KCTD14: variants seen among roughly 807,000 people sequenced by gnomAD.
KCTD14 encodes BTB/POZ domain-containing protein KCTD14.
In KCTD14, 7 loss-of-function variants were observed where a neutral mutation model predicts 5.9. The observed-to-expected ratio is 1.19, with a 90% CI of 0.68 to 2.23. KCTD14 has a LOEUF of 2.23. Among genes scored for constraint, KCTD14 ranks in the 30% most tolerant of loss-of-function variants. The probability of loss-of-function intolerance (pLI) is 0.00; values close to 1 mark genes in which losing one functional copy is unlikely to be tolerated. For synonymous variants in KCTD14, 140 were observed against 133.1 expected, an observed-to-expected ratio of 1.05 and a Z score of -0.36; for missense variants, 342 against 332.2, an observed-to-expected ratio of 1.03 and a Z score of -0.23.
chr11:78,022,375 C>T (rs1857331370), intron 1 of KCTD14, among the ~76,000 whole-genome samples: 1 of 152,156 alleles, frequency 6.6e-6, no homozygotes, highest in African/African-American at 2.4e-5. Flanking sequence ...GCATCATGCA[C>T]AGTGCCTTAC....
chr11:78,025,118 GTATATATATATA>G (rs369374652), upstream of KCTD14, among the ~76,000 whole-genome samples: 1,639 of 44,400 alleles, frequency 0.037, 41 homozygotes, highest in Non-Finnish European at 0.045. Flanking sequence ...GTGTGTGTGT[GTATATATATATA>G]TATATATATA....
intron 1 of KCTD14, among the ~76,000 whole-genome samples, chr11:78,017,996 C>G (rs1857216424): frequency 1.3e-5 from 2 of 152,118 alleles, no homozygotes; most frequent in Non-Finnish European, 2.9e-5. Flanking sequence ...ACTCAGGAGG[C>G]TGAGGCACAA....
At chr11:78,043,519 A>T (rs1344075123) in intron 1 of KCTD14, among the ~76,000 whole-genome samples, 1 of 152,228 alleles carries the variant, frequency 6.6e-6, no homozygotes, top group East Asian at 1.9e-4. Flanking sequence ...AGAGCTCAGA[A>T]TCAAGTGAGG....
intron 2 of KCTD14, among the ~76,000 whole-genome samples, chr11:78,035,955 T>A (rs1389499077): frequency 6.7e-6 from 1 of 149,406 alleles, no homozygotes; most frequent in Non-Finnish European, 1.5e-5. Context: ...AGGTCAGGAG[T>A]TTGAGACCAG....
chr11:78,018,083 T>A (rs1251795519), intron 1 of KCTD14, among the ~76,000 whole-genome samples: 2 of 151,790 alleles, frequency 1.3e-5, no homozygotes, highest in Admixed American at 6.6e-5. Context: ...GGTGACAGAG[T>A]AAGACTCTGT....
At chr11:78,036,240 T>G (rs1857799255) in intron 2 of KCTD14, among the ~76,000 whole-genome samples, 1 of 152,250 alleles carries the variant, frequency 6.6e-6, no homozygotes, top group African/African-American at 2.4e-5. Context: ...CCTGCATATC[T>G]ATATGTGTTT....
rs753380016 is a variant in KCTD14 at position 78,016,822 on chromosome 11, G to A, written c.539C>T (p.Ala180Val). The A allele has an allele frequency of 6.2e-7, 1 of 1,614,144 alleles. No individual in the cohort carries two copies. Among genetic ancestry groups the A allele is most frequent in the Non-Finnish European group, 8.5e-7 (1 of 1,179,982 alleles). ...VCLVETEEQD[A>V]YYSEVLCFLQ... ...AAAACACAGGACCTCTGAATAATAT[G>A]CATCCTGCTCCTCAGTTTCCACCAG... Residue 180 changes from alanine (A) to valine (V), a missense_variant, in exon 2 of 2, where the codon GCA becomes GTA. Coordinates refer to ENST00000353172, the MANE Select transcript of KCTD14 (RefSeq NM_023930.4).
At chr11:78,043,932 G>A (rs1858061781) in intron 1 of KCTD14, among the ~76,000 whole-genome samples, 1 of 152,168 alleles carries the variant, frequency 6.6e-6, no homozygotes, top group Admixed American at 6.5e-5. Flanking sequence ...CAGAATTTCA[G>A]CTGAGGCCCC....
intron 2 of KCTD14, among the ~76,000 whole-genome samples, chr11:78,037,059 C>T (rs953429297): frequency 2.6e-5 from 4 of 152,218 alleles, no homozygotes; most frequent in African/African-American, 9.7e-5. Flanking sequence ...AAACCAGGTC[C>T]CTCTGAGCCA....
intron 1 of KCTD14, among the ~76,000 whole-genome samples, chr11:78,040,228 C>A (rs1316157041): frequency 6.6e-6 from 1 of 152,250 alleles, no homozygotes; most frequent in African/African-American, 2.4e-5. Flanking sequence ...TTCCTGGAAT[C>A]TGAAGTACGG....
upstream of KCTD14, among the ~76,000 whole-genome samples, chr11:78,024,044 G>A (rs1034767406): frequency 6.6e-6 from 1 of 152,160 alleles, no homozygotes; most frequent in African/African-American, 2.4e-5. Flanking sequence ...GTGTTCCCAT[G>A]ACAATGCATC....
chr11:78,046,113 T>TC, exon 1 of KCTD14: 3 of 985,088 alleles, frequency 3.0e-6, no homozygotes, highest in South Asian at 4.7e-5. Flanking sequence ...TGCCGAGATT[T>TC]CCCCCAGAAA....
chr11:78,029,968 TA>T, intron 2 of KCTD14, among the ~76,000 whole-genome samples: 1 of 152,064 alleles, frequency 6.6e-6, no homozygotes, highest in South Asian at 2.1e-4. Flanking sequence ...TATTTTTTAG[TA>T]GAGACAGGGT....
intron 1 of KCTD14, among the ~76,000 whole-genome samples, chr11:78,017,687 C>T (rs568173402): frequency 2.0e-5 from 3 of 152,046 alleles, no homozygotes; most frequent in African/African-American, 4.8e-5. Flanking sequence ...TCACGTGATC[C>T]GCCTGCCTCA....
intron 1 of KCTD14, among the ~76,000 whole-genome samples, chr11:78,022,591 C>G (rs1017946377): frequency 6.6e-6 from 1 of 152,112 alleles, no homozygotes; most frequent in Admixed American, 6.6e-5. Context: ...ATGTTCTGCT[C>G]CCAGAGTGCA....
At chr11:78,038,770 A>G in intron 1 of KCTD14, 7 of 1,535,694 alleles carry the variant, frequency 4.6e-6, no homozygotes, top group Non-Finnish European at 4.4e-6. Flanking sequence ...TGAAACAGAA[A>G]GAGAATTTCT....
intron 2 of KCTD14, among the ~76,000 whole-genome samples, chr11:78,031,003 T>G (rs1434623408): frequency 6.6e-6 from 1 of 152,088 alleles, no homozygotes. Flanking sequence ...TTGGAGAGCT[T>G]TATCCCATTG....
chr11:78,022,599 G>T (rs144096829), intron 1 of KCTD14, among the ~76,000 whole-genome samples: 96 of 152,258 alleles, frequency 6.3e-4, no homozygotes, highest in Non-Finnish European at 1.2e-3. Flanking sequence ...CTCCCAGAGT[G>T]CACGCAGCCT....
upstream of KCTD14, among the ~76,000 whole-genome samples, chr11:78,025,465 G>A (rs187334317): frequency 1.7e-3 from 251 of 152,080 alleles, 1 homozygote; most frequent in Non-Finnish European, 2.7e-3. Flanking sequence ...TCTCCATTGG[G>A]AACACCCTCA....
Sources: allele counts gnomAD v4.1 joint callset (sites outside exome capture counted in the v4.1 genomes callset), GRCh38; gene constraint gnomAD v4.1.1; transcripts MANE v1.5; gene names NCBI Gene and HGNC (gene_info 2026-07-23, HGNC 2026-07-21).